ACVR1C: variants seen among roughly 807,000 people sequenced by gnomAD.
ACVR1C encodes the protein activin A receptor type 1C.
Under a neutral mutation model 57.9 loss-of-function variants are expected in ACVR1C, and 23 were observed. That is an observed-to-expected ratio of 0.40 (90% CI 0.29 to 0.56). The LOEUF (loss-of-function observed/expected upper bound fraction) is 0.56, where lower values mean the gene tolerates loss of function less well. Among genes scored for constraint, ACVR1C ranks in the 20% least tolerant of loss-of-function variants. The pLI, the probability that ACVR1C is intolerant of heterozygous loss-of-function variation, is 0.50. For synonymous variants in ACVR1C, 214 were observed against 215.3 expected, an observed-to-expected ratio of 0.99 and a Z score of 0.05; for missense variants, 480 against 607.9, an observed-to-expected ratio of 0.79 and a Z score of 2.21.
At chr2:157,542,342 G>A (rs1278734398) in intron 6 of ACVR1C, among the ~76,000 whole-genome samples, 1 of 152,148 alleles carries the variant, frequency 6.6e-6, no homozygotes, top group Non-Finnish European at 1.5e-5. Context: ...CTGAGTTTCA[G>A]TTCATTTATG....
intron 2 of ACVR1C, among the ~76,000 whole-genome samples, chr2:157,563,636 C>T (rs1339675774): frequency 6.6e-6 from 1 of 152,002 alleles, no homozygotes; most frequent in African/African-American, 2.4e-5. Flanking sequence ...CATATGGAAC[C>T]AAAAAAGAGC....
In ACVR1C at chr2:157,533,768, G is replaced by C; in HGVS notation, c.*150C>G. On this transcript the variant is annotated 3_prime_UTR_variant, in exon 9 of 9. Coordinates refer to ENST00000243349, the MANE Select transcript of ACVR1C (RefSeq NM_145259.3). The stretch of plus-strand genomic sequence containing the variant: ...ACTCCTGCCCATGCTTAACTTTAGA[G>C]TTATCTTTTCATGCTGCCTTATGGG... The C allele has an allele frequency of 1.6e-6, 1 of 644,310 alleles. No homozygotes were observed. The highest frequency in any genetic ancestry group is 2.2e-6 in the Non-Finnish European group (1 of 446,810). The allele number at this position is 644,310 out of a possible 1,614,324, so 39.9% of individuals were successfully genotyped here.
intron 1 of ACVR1C, among the ~76,000 whole-genome samples, chr2:157,603,484 T>C (rs1157192651): frequency 6.6e-6 from 1 of 152,130 alleles, no homozygotes; most frequent in Non-Finnish European, 1.5e-5. Flanking sequence ...AAATTCTCCA[T>C]AAGCAAGCTT....
chr2:157,610,949 A>G (rs1682517856), intron 1 of ACVR1C, among the ~76,000 whole-genome samples: 1 of 151,830 alleles, frequency 6.6e-6, no homozygotes. Context: ...TCTTTGTACT[A>G]TTTTTCAAAG....
Position 157,544,443 on chromosome 2 carries a change from A to G in ACVR1C, c.943+2T>C. 5 of 1,605,484 alleles carry G rather than the reference A, an allele frequency of 3.1e-6. No individual in the cohort carries two copies. Among genetic ancestry groups the G allele is most frequent in the Non-Finnish European group, 4.2e-6 (5 of 1,177,084 alleles). ...GAAAAAAAATGAAAAGGAAATACAT[A>G]CCTTGTGTACCAACAATCTCCATAT... On this transcript the variant is annotated splice_donor_variant, in intron 5 of 8. Transcript: ENST00000243349. LOFTEE classifies it high-confidence loss of function.
intron 1 of ACVR1C, among the ~76,000 whole-genome samples, chr2:157,588,550 T>C (rs1185448847): frequency 3.3e-5 from 5 of 151,700 alleles, no homozygotes; most frequent in Admixed American, 3.3e-4. Flanking sequence ...ATGGTGTACA[T>C]TGTACTCAAT....
At chr2:157,575,192 G>A (rs973591890) in intron 2 of ACVR1C, among the ~76,000 whole-genome samples, 10 of 148,792 alleles carry the variant, frequency 6.7e-5, no homozygotes, top group South Asian at 4.2e-4. Flanking sequence ...GCAATGGTGC[G>A]ATCTCGCCTT....
At position 157,590,141 on chromosome 2, in the gene ACVR1C, A is replaced by T. The variant is rs190861675; in HGVS notation, c.74-2724T>A. On this transcript the variant is annotated intron_variant, in intron 1 of 8. Coordinates refer to ENST00000243349, the MANE Select transcript of ACVR1C (RefSeq NM_145259.3). Reference sequence around the variant, plus strand: ...GTAAAAAATTTATGACTAAGACCCCAAAAGCAAATGCAACAAAAACAAAAA... The same window carrying T: ...GTAAAAAATTTATGACTAAGACCCCTAAAGCAAATGCAACAAAAACAAAAA... 6.9e-3 allele frequency among the ~76,000 whole-genome samples: 1,055 copies of T among 152,096 alleles called. 12 individuals carry two copies. Among genetic ancestry groups the T allele is most frequent in the African/African-American group, 0.024 (1,009 of 41,538 alleles).
chr2:157,622,734 C>T (rs555344508), intron 1 of ACVR1C, among the ~76,000 whole-genome samples: 1 of 152,022 alleles, frequency 6.6e-6, no homozygotes, highest in African/African-American at 2.4e-5. Context: ...AGCACAGATG[C>T]CCAAAGCAAA....
Position 157,609,319 on chromosome 2 carries a change from T to A in ACVR1C, c.73+19253A>T, listed in dbSNP as rs563810290. On this transcript the variant is annotated intron_variant, in intron 1 of 8. Transcript: ENST00000243349. ...ATTGATTTCTAGTTTTATTCTATTG[T>A]GGTCTGAGAAGATACTTGATATGAG... is the stretch of plus-strand genomic sequence containing the variant. Among the ~76,000 whole-genome samples the A allele has an allele frequency of 7.2e-5, 11 of 152,182 alleles. No individual in the cohort carries two copies. The South Asian group carries it at 2.3e-3, about 32-fold the overall frequency.
At chr2:157,619,593 G>C (rs1682721714) in intron 1 of ACVR1C, among the ~76,000 whole-genome samples, 1 of 151,958 alleles carries the variant, frequency 6.6e-6, no homozygotes, top group South Asian at 2.1e-4. Flanking sequence ...GAGTTAAGTG[G>C]ATGCAACAGT....
chr2:157,607,530 G>A (rs1286200034), intron 1 of ACVR1C, among the ~76,000 whole-genome samples: 2 of 151,614 alleles, frequency 1.3e-5, no homozygotes, highest in East Asian at 3.9e-4. Context: ...GATAGAAATT[G>A]CATTGAATCT....
intron 2 of ACVR1C, among the ~76,000 whole-genome samples, chr2:157,560,861 C>T (rs1237749859): frequency 6.6e-6 from 1 of 152,164 alleles, no homozygotes; most frequent in Non-Finnish European, 1.5e-5. Flanking sequence ...CGTACTTGAT[C>T]AATTGCTTCA....
rs962391401 is a variant in ACVR1C, at chr2:157,532,372, A to C, written c.*1546T>G. On this transcript the variant is annotated 3_prime_UTR_variant, in exon 9 of 9. Transcript: ENST00000243349. ...CAAGTAGCATTTCTTTACTGTTATTAGTTTTTTTTTTTTTTTTTACTGTTA... is the reference window on the plus strand; with the variant it reads ...CAAGTAGCATTTCTTTACTGTTATTCGTTTTTTTTTTTTTTTTTACTGTTA... 7.5e-5 allele frequency: 11 copies of C among 146,648 alleles called. No homozygotes were observed. The highest frequency in any genetic ancestry group is 4.1e-4 in the Admixed American group (6 of 14,742). 9.1% of individuals were successfully genotyped at this position (146,648 alleles called of 1,614,324 possible).
intron 1 of ACVR1C, among the ~76,000 whole-genome samples, chr2:157,625,130 A>G (rs1009316225): frequency 6.6e-6 from 1 of 152,146 alleles, no homozygotes; most frequent in Non-Finnish European, 1.5e-5. Context: ...CTTACTTAAC[A>G]TCTCCATTTC....
At chr2:157,534,649 C>A (rs989111495) in intron 8 of ACVR1C, among the ~76,000 whole-genome samples, 2 of 152,006 alleles carry the variant, frequency 1.3e-5, no homozygotes, top group African/African-American at 4.8e-5. Flanking sequence ...GTATAAATAT[C>A]AAAAATCCTG....
chr2:157,583,092 C>A (rs1573936108), intron 2 of ACVR1C, among the ~76,000 whole-genome samples: 2 of 152,092 alleles, frequency 1.3e-5, no homozygotes, highest in South Asian at 4.2e-4. Flanking sequence ...TACTCCCAAC[C>A]TCAAGTGATC....
chr2:157,566,863 C>G (rs1237063042), intron 2 of ACVR1C, among the ~76,000 whole-genome samples: 2 of 152,006 alleles, frequency 1.3e-5, no homozygotes, highest in Non-Finnish European at 2.9e-5. Context: ...TGGAGCCCAC[C>G]ACAGCTCAAG....
intron 1 of ACVR1C, among the ~76,000 whole-genome samples, chr2:157,626,908 A>G (rs1462877191): frequency 1.3e-5 from 2 of 152,292 alleles, no homozygotes; most frequent in East Asian, 1.9e-4. Flanking sequence ...TTAGACTTCA[A>G]ATTTTAAGTG....
Sources: allele counts gnomAD v4.1 joint callset (sites outside exome capture counted in the v4.1 genomes callset), GRCh38; gene constraint gnomAD v4.1.1; transcripts MANE v1.5; gene names NCBI Gene and HGNC (gene_info 2026-07-23, HGNC 2026-07-21).